PJVK: variants seen among roughly 807,000 people sequenced by gnomAD.
PJVK encodes the protein autosomal recessive deafness type 59 protein.
In PJVK, 33 loss-of-function variants were observed where a neutral mutation model predicts 37.6. That is an observed-to-expected ratio of 0.88 (90% CI 0.67 to 1.17). The LOEUF (loss-of-function observed/expected upper bound fraction) is 1.17, where lower values mean the gene tolerates loss of function less well. PJVK is among the 50% of genes most tolerant of loss of function. PJVK has a pLI of 0.00. For missense variants in PJVK, 410 were observed against 413.8 expected, an observed-to-expected ratio of 0.99 and a Z score of 0.08; for synonymous variants, 141 against 143.5, an observed-to-expected ratio of 0.98 and a Z score of 0.13.
At chr2:178,460,918 G>A in intron 6 of PJVK, 64 bp from the exon 7 acceptor site, 4 of 1,325,424 alleles carry the variant, frequency 3.0e-6, no homozygotes, top group Non-Finnish European at 3.2e-6. Context: ...TATTAATGCT[G>A]TTTGCATTAT....
At chr2:178,456,915 G>A (rs1002992947) in intron 4 of PJVK, among the ~76,000 whole-genome samples, 1 of 152,236 alleles carries the variant, frequency 6.6e-6, no homozygotes, top group Non-Finnish European at 1.5e-5. Context: ...GAGTGCTTAA[G>A]TTGAATTGAT....
chr2:178,452,321 T>A (rs1275159239), intron 1 of PJVK: 1 of 983,812 alleles, frequency 1.0e-6, no homozygotes, highest in Non-Finnish European at 1.2e-6. Context: ...AAAAGCGATT[T>A]GTTGTTTTGT....
At position 178,458,214 on chromosome 2, in the gene PJVK, TA is replaced by T. The variant is rs34944666; in HGVS notation, c.550-282del. Among the ~76,000 whole-genome samples the T allele has an allele frequency of 0.24, 34,811 of 143,488 alleles. 5,173 individuals carry two copies. The highest frequency in any genetic ancestry group is 0.35 in the Non-Finnish European group (22,928 of 65,724). The allele number at this position is 143,488 out of a possible 152,430, so 94.1% of individuals were successfully genotyped here. On this transcript the variant is annotated intron_variant, in intron 4 of 6. Coordinates refer to ENST00000644580, the MANE Select transcript of PJVK (RefSeq NM_001042702.5). ...GGCACTGCTTTCTAAGATTTCCTGT[TA>T]AAAAAAAAAAAAAGGCTTCTGCTCC... is the stretch of plus-strand genomic sequence containing the variant.
At chr2:178,454,202 C>G in intron 2 of PJVK, 130 bp from the exon 3 acceptor site, 1 of 706,408 alleles carries the variant, frequency 1.4e-6, no homozygotes. Context: ...TACTTTAAGT[C>G]TTGGTGAGTC....
chr2:178,458,267 A>G (rs1216292393), intron 4 of PJVK, among the ~76,000 whole-genome samples: 2 of 152,178 alleles, frequency 1.3e-5, no homozygotes, highest in Admixed American at 6.5e-5. Context: ...GGTAGCACTA[A>G]TCATGGGCTG....
At chr2:178,460,468 G>A (rs771964353) in intron 6 of PJVK, 22 bp downstream of exon 6, 3 of 1,585,838 alleles carry the variant, frequency 1.9e-6, no homozygotes, top group East Asian at 2.2e-5. Flanking sequence ...GAAGAGTACT[G>A]TGAATGTCTT....
At chr2:178,459,998 G>T in intron 5 of PJVK, 1 of 208,648 alleles carries the variant, frequency 4.8e-6, no homozygotes, top group Non-Finnish European at 9.9e-6. Context: ...TAACTATTTG[G>T]GCATAAATAA....
intron 4 of PJVK, among the ~76,000 whole-genome samples, chr2:178,457,754 G>C (rs1185197183): frequency 6.6e-6 from 1 of 152,132 alleles, no homozygotes; most frequent in African/African-American, 2.4e-5. Flanking sequence ...TCAGGACTTG[G>C]CGGGGACACC....
chr2:178,454,822 A>C, intron 3 of PJVK: 1 of 1,346,772 alleles, frequency 7.4e-7, no homozygotes, highest in Non-Finnish European at 1.1e-6. Flanking sequence ...CATGAGGCCC[A>C]GATCAAGAAT....
chr2:178,455,951 A>G (rs1684044475), intron 3 of PJVK, 59 bp from the exon 4 acceptor site: 1 of 1,579,704 alleles, frequency 6.3e-7, no homozygotes, highest in Non-Finnish European at 8.7e-7. Flanking sequence ...CAAAAAATGT[A>G]TTTGATTATG....
intron 3 of PJVK, 104 bp downstream of exon 3, chr2:178,454,631 A>G: frequency 6.9e-7 from 1 of 1,439,188 alleles, no homozygotes; most frequent in South Asian, 1.2e-5. Context: ...GTATTTTACT[A>G]GTGTAATTTG....
Position 178,458,508 on chromosome 2 carries a change from A to C in PJVK, c.550-2A>C. 6.3e-7 allele frequency: 1 copy of C among 1,582,648 alleles called. No homozygotes were observed. The highest frequency in any genetic ancestry group is 8.7e-7 in the Non-Finnish European group (1 of 1,151,494). On this transcript the variant is annotated splice_acceptor_variant, in intron 4 of 6. Coordinates refer to ENST00000644580, the MANE Select transcript of PJVK (RefSeq NM_001042702.5). LOFTEE classifies it high-confidence loss of function. ...ATTATGTTATTTATTTATTCAATAT[A>C]GTTTCACTTTATGGATGAACAGAAT...
chr2:178,460,914 T>C, intron 6 of PJVK, 68 bp from the exon 7 acceptor site: 1 of 1,413,884 alleles, frequency 7.1e-7, no homozygotes, highest in South Asian at 1.2e-5. Flanking sequence ...TATTTATTAA[T>C]GCTGTTTGCA....
At chr2:178,458,994 A>T (rs570963800) in intron 5 of PJVK, among the ~76,000 whole-genome samples, 1 of 152,336 alleles carries the variant, frequency 6.6e-6, no homozygotes, top group African/African-American at 2.4e-5. Context: ...GGTAGATAGT[A>T]GGATGCCTGA....
At chr2:178,452,265 C>G in intron 1 of PJVK, 3 of 977,748 alleles carry the variant, frequency 3.1e-6, no homozygotes, top group Non-Finnish European at 3.6e-6. Flanking sequence ...TGCACTCCAG[C>G]CTGGGCGACA....
chr2:178,457,187 C>T (rs1018639810), intron 4 of PJVK, among the ~76,000 whole-genome samples: 4 of 152,302 alleles, frequency 2.6e-5, no homozygotes, highest in Non-Finnish European at 5.9e-5. Flanking sequence ...TAGCCTCGGC[C>T]TCCCAAAATG....
At chr2:178,455,489 C>T (rs1489156762) in intron 3 of PJVK, 25 of 1,008,856 alleles carry the variant, frequency 2.5e-5, no homozygotes, top group Non-Finnish European at 3.5e-5. Context: ...CTTTCTTTCC[C>T]ACTCTTCTCT....
chr2:178,452,069 G>A (rs1479751353), intron 1 of PJVK, among the ~76,000 whole-genome samples: 1 of 152,148 alleles, frequency 6.6e-6, no homozygotes, highest in Non-Finnish European at 1.5e-5. Context: ...GAGGCTGGCG[G>A]ATCGCCTGAA....
Position 178,461,322 on chromosome 2 carries a change from A to T in PJVK, c.*48A>T. ...TTGGTGTTTTAGGTGCAGTTGTGCC[A>T]CAAACCTTCCCTAAATTATCTAGGT... On this transcript the variant is annotated 3_prime_UTR_variant, in exon 7 of 7. Transcript: ENST00000644580. 1 of 1,601,874 alleles carries T rather than the reference A, an allele frequency of 6.2e-7. No individual in the cohort carries two copies. The highest frequency in any genetic ancestry group is 1.7e-4 in the Middle Eastern group (1 of 6,038).
Sources: gnomAD v4.1 joint callset for allele counts (sites outside exome capture counted in the v4.1 genomes callset) on GRCh38, gnomAD v4.1.1 for gene constraint, MANE v1.5 for transcripts, NCBI Gene and HGNC (gene_info 2026-07-23, HGNC 2026-07-21) for gene names.